CCDC85C: variants seen among roughly 807,000 people sequenced by gnomAD.
CCDC85C encodes coiled-coil domain containing 85C, also known as coiled-coil domain-containing protein 85C.
Under a neutral mutation model 38.3 loss-of-function variants are expected in CCDC85C, and 18 were observed. The observed-to-expected ratio is 0.47, with a 90% confidence interval of 0.33 to 0.70. CCDC85C has a LOEUF of 0.70. CCDC85C is among the 30% of genes least tolerant of loss of function. CCDC85C has a pLI of 0.03. For missense variants in CCDC85C, 566 were observed against 621.2 expected, an observed-to-expected ratio of 0.91 and a Z score of 0.94; for synonymous variants, 264 against 293.8, an observed-to-expected ratio of 0.90 and a Z score of 1.04.
intron 1 of CCDC85C, among the ~76,000 whole-genome samples, chr14:99,585,971 G>A (rs1450880669): frequency 1.3e-5 from 2 of 152,240 alleles, no homozygotes; most frequent in African/African-American, 2.4e-5. Flanking sequence ...TTTCCAGGTT[G>A]CCCTTCCCTG....
At chr14:99,527,960 G>T (rs567902123) in intron 2 of CCDC85C, among the ~76,000 whole-genome samples, 1 of 152,332 alleles carries the variant, frequency 6.6e-6, no homozygotes, top group South Asian at 2.1e-4. Flanking sequence ...GCCCTCGGGG[G>T]CGGTCGCTGC....
rs1477901220 is a variant in CCDC85C at position 99,511,382 on chromosome 14, A to ACAT, written c.*3861_*3863dup. The ACAT allele has an allele frequency of 6.6e-6, 1 of 152,328 alleles. No homozygotes were observed. Among genetic ancestry groups the ACAT allele is most frequent in the African/African-American group, 2.4e-5 (1 of 41,422 alleles). 9.4% of individuals were successfully genotyped at this position (152,328 alleles called of 1,614,324 possible). A position where few individuals can be genotyped will look rare whatever the true frequency, so the allele number is the denominator to read the frequency against. ...TGTACTTGGAAATTAATGTATGTTTACATCTCTTTGCAAATTCCTGTACAT... is the reference window on the plus strand; with the variant it reads ...TGTACTTGGAAATTAATGTATGTTTACATCATCTCTTTGCAAATTCCTGTACAT... On this transcript the variant is annotated 3_prime_UTR_variant, in exon 6 of 6. Coordinates refer to ENST00000380243, the MANE Select transcript of CCDC85C (RefSeq NM_001144995.2).
chr14:99,502,795 A>G lies in CCDC85C; in HGVS notation c.*12451T>C. ...CTCATCACACCCCCCATCAGCTGCA[A>G]CAGCCCCCATCTCTTCAGCCTACAC... On this transcript the variant is annotated 3_prime_UTR_variant, in exon 6 of 6. Coordinates refer to ENST00000380243, the MANE Select transcript of CCDC85C (RefSeq NM_001144995.2). The G allele has an allele frequency of 6.2e-7, 1 of 1,613,804 alleles. No individual in the cohort carries two copies. Among genetic ancestry groups the G allele is most frequent in the Non-Finnish European group, 8.5e-7 (1 of 1,179,888 alleles).
chr14:99,543,454 C>T (rs1201657803), intron 1 of CCDC85C, among the ~76,000 whole-genome samples: 1 of 152,154 alleles, frequency 6.6e-6, no homozygotes, highest in Non-Finnish European at 1.5e-5. Context: ...ATAACCACAT[C>T]TACTGCAACG....
chr14:99,501,616 G>A lies in CCDC85C; in HGVS notation c.*13630C>T, dbSNP rs1896833186. 1.8e-6 allele frequency: 1 copy of A among 543,248 alleles called. No homozygotes were observed. Among genetic ancestry groups the A allele is most frequent in the Non-Finnish European group, 3.2e-6 (1 of 309,564 alleles). 33.7% of individuals were successfully genotyped at this position (543,248 alleles called of 1,614,324 possible). On this transcript the variant is annotated 3_prime_UTR_variant, in exon 6 of 6. Transcript: ENST00000380243. ...TTTCCTTCTGCCCTGCCGTGTCATG[G>A]TGTTGTGAGGTGCTGAAATTTTATC...
chr14:99,603,641 G>T lies in CCDC85C; in HGVS notation c.319C>A (p.Arg107Ser). Reference protein sequence around the residue: ...KGRKLAREWQRFGRHAAGAVW... With the variant: ...KGRKLAREWQSFGRHAAGAVW... The stretch of plus-strand genomic sequence containing the variant: ...GCGCCGGCCGCGTGGCGCCCGAAGC[G>T]CTGCCACTCGCGCGCCAGCTTGCGC... The change falls in exon 1 of 6, where the codon CGC (arginine) becomes AGC (serine). Residue 107 changes from arginine to serine, a missense_variant. Coordinates refer to ENST00000380243, the MANE Select transcript of CCDC85C (RefSeq NM_001144995.2). The surrounding 1 kb of genome is among the most constrained non-coding windows in gnomAD (Gnocchi z 7.5). 6.8e-7 allele frequency: 1 copy of T among 1,473,926 alleles called. No individual in the cohort carries two copies. The highest frequency in any genetic ancestry group is 9.0e-7 in the Non-Finnish European group (1 of 1,113,318). The allele number at this position is 1,473,926 out of a possible 1,614,324, so 91.3% of individuals were successfully genotyped here.
intron 1 of CCDC85C, among the ~76,000 whole-genome samples, chr14:99,539,407 T>C (rs1286833160): frequency 6.9e-6 from 1 of 144,716 alleles, no homozygotes; most frequent in Non-Finnish European, 1.5e-5. Context: ...GAGGCGGGGG[T>C]TGCAGTGAGC....
At chr14:99,534,861 C>G (rs928810624) in intron 2 of CCDC85C, 4 of 621,248 alleles carry the variant, frequency 6.4e-6, no homozygotes, top group Non-Finnish European at 1.2e-5. Flanking sequence ...ATTACAAAAG[C>G]CAGCCTTGCC....
rs1003446458 is a variant in CCDC85C, at chr14:99,572,795, T to A, written c.793+30372A>T. The A allele has an allele frequency of 6.6e-6, 3 of 456,038 alleles. No homozygotes were observed. Among genetic ancestry groups the A allele is most frequent in the African/African-American group, 6.0e-5 (3 of 50,096 alleles). 28.2% of individuals were successfully genotyped at this position (456,038 alleles called of 1,614,324 possible). A position where few individuals can be genotyped will look rare whatever the true frequency, so the allele number is the denominator to read the frequency against. ...TTCCAAAGGAGACTTCTGTCTGTCT[T>A]GCTTCATGGAAGTATCCCAGGAGCA... On this transcript the variant is annotated intron_variant, in intron 1 of 5. Transcript: ENST00000380243. This position sits in a 1 kb window ranked among gnomAD's most constrained non-coding sequence, Gnocchi z 4.4.
chr14:99,559,221 C>T (rs889323575), intron 1 of CCDC85C, among the ~76,000 whole-genome samples: 4 of 151,810 alleles, frequency 2.6e-5, no homozygotes, highest in African/African-American at 9.7e-5. Context: ...GGAGTCCCCC[C>T]GAGAGCCTCC....
At position 99,569,629 on chromosome 14, in the gene CCDC85C, C is replaced by T. The variant is rs1898293794; in HGVS notation, c.793+33538G>A. ...CAGAGCCAAGAGCTGAACCCAGGCACATCCAGCCTCAAACCTGGATCCTAC... is the reference window on the plus strand; with the variant it reads ...CAGAGCCAAGAGCTGAACCCAGGCATATCCAGCCTCAAACCTGGATCCTAC... On this transcript the variant is annotated intron_variant, in intron 1 of 5. Transcript: ENST00000380243. This position sits in a 1 kb window ranked among gnomAD's most constrained non-coding sequence, Gnocchi z 4.3. Among the ~76,000 whole-genome samples the T allele has an allele frequency of 6.6e-6, 1 of 152,236 alleles. No homozygotes were observed. The highest frequency in any genetic ancestry group is 2.4e-5 in the African/African-American group (1 of 41,456).
At chr14:99,594,367 T>C (rs928145079) in intron 1 of CCDC85C, among the ~76,000 whole-genome samples, 1 of 152,164 alleles carries the variant, frequency 6.6e-6, no homozygotes, top group African/African-American at 2.4e-5. Context: ...GTACTTCCAC[T>C]GGGGCCCTGC....
At chr14:99,578,060 T>C (rs1190990251) in intron 1 of CCDC85C, among the ~76,000 whole-genome samples, 2 of 143,074 alleles carry the variant, frequency 1.4e-5, no homozygotes, top group Non-Finnish European at 3.0e-5. Flanking sequence ...AGTGTGTGTG[T>C]GTGTACACAT....
chr14:99,510,415 G>A lies in CCDC85C; in HGVS notation c.*4831C>T. On this transcript the variant is annotated 3_prime_UTR_variant, in exon 6 of 6. Coordinates refer to ENST00000380243, the MANE Select transcript of CCDC85C (RefSeq NM_001144995.2). Reference sequence around the variant, plus strand: ...ATGAAGACCGAGGGACCCTCCTACGGTGCCCTGCCCCCCGCCTACGGCCCA... The same window carrying A: ...ATGAAGACCGAGGGACCCTCCTACGATGCCCTGCCCCCCGCCTACGGCCCA... The A allele has an allele frequency of 6.4e-7, 1 of 1,551,946 alleles. No individual in the cohort carries two copies. The highest frequency in any genetic ancestry group is 8.7e-7 in the Non-Finnish European group (1 of 1,149,006).
At chr14:99,579,903 A>C (rs2054946758) in intron 1 of CCDC85C, 1 of 343,302 alleles carries the variant, frequency 2.9e-6, no homozygotes. Context: ...GCCCAAGGCC[A>C]GGCCACCCTG....
chr14:99,574,118 G>T (rs1341644215), intron 1 of CCDC85C, among the ~76,000 whole-genome samples: 5 of 152,124 alleles, frequency 3.3e-5, no homozygotes, highest in Non-Finnish European at 7.4e-5. Flanking sequence ...CAGGAGTGCT[G>T]CTCTGTCCTG....
At chr14:99,564,493 T>C (rs1367649520) in intron 1 of CCDC85C, among the ~76,000 whole-genome samples, 1 of 152,240 alleles carries the variant, frequency 6.6e-6, no homozygotes, top group East Asian at 1.9e-4. Context: ...GATTTCCCTA[T>C]TGAGTTGCAC....
intron 1 of CCDC85C, among the ~76,000 whole-genome samples, chr14:99,560,280 G>C (rs1898092249): frequency 1.3e-5 from 2 of 152,222 alleles, no homozygotes; most frequent in African/African-American, 2.4e-5. Context: ...GGGCTGGGTA[G>C]GGTGAAGGGG....
chr14:99,503,308 G>C lies in CCDC85C; in HGVS notation c.*11938C>G, dbSNP rs571866268. 178 of 607,926 alleles carry C rather than the reference G, an allele frequency of 2.9e-4. 10 individuals are homozygous for C. The South Asian group carries it at 3.3e-3, about 11-fold the overall frequency. 37.7% of individuals were successfully genotyped at this position (607,926 alleles called of 1,614,324 possible). Reference sequence around the variant, plus strand: ...GCATGCTGCTTCTGTGCAGCTGCCTGACCCCAAACAGTGGACCGTTTCCTG... The same window carrying C: ...GCATGCTGCTTCTGTGCAGCTGCCTCACCCCAAACAGTGGACCGTTTCCTG... On this transcript the variant is annotated 3_prime_UTR_variant, in exon 6 of 6. Transcript: ENST00000380243.
Sources: gnomAD v4.1 joint callset for allele counts (sites outside exome capture counted in the v4.1 genomes callset) on GRCh38, gnomAD v4.1.1 for gene constraint, Gnocchi (gnomAD v3.1) non-coding constraint, MANE v1.5 for transcripts, NCBI Gene and HGNC (gene_info 2026-07-23, HGNC 2026-07-21) for gene names.